The following ST6GALNAC3 variants were observed in gnomAD, a reference collection of about 807,000 sequenced individuals.
ST6GALNAC3 encodes the protein alpha-N-acetylgalactosaminide alpha-2,6-sialyltransferase 3.
ST6GALNAC3 carries 25 observed loss-of-function variants against 32.7 expected under a neutral mutation model. That is an observed-to-expected ratio of 0.76 (90% confidence interval 0.56 to 1.07). The LOEUF (loss-of-function observed/expected upper bound fraction) is 1.07. Ranked by LOEUF, ST6GALNAC3 falls within the 50% of genes least tolerant of loss-of-function variation. The probability of loss-of-function intolerance (pLI) is 0.00; values close to 1 mark genes in which losing one functional copy is unlikely to be tolerated. For synonymous variants in ST6GALNAC3, 129 were observed against 133.1 expected (o/e 0.97, Z 0.21); for missense variants, 355 against 382.4 (o/e 0.93, Z 0.60).
rs1654287431 is a variant in ST6GALNAC3, at chr1:76,412,151, C to T, written c.357C>T (p.Val119=). The T allele has an allele frequency of 4.3e-6, 7 of 1,613,668 alleles. No homozygotes were observed. Among genetic ancestry groups the T allele is most frequent in the African/African-American group, 2.7e-5 (2 of 74,968 alleles). The change falls in exon 3 of 5, where the codon GTC becomes GTT. Residue 119 remains valine (V), a synonymous_variant. Coordinates refer to ENST00000328299, the MANE Select transcript of ST6GALNAC3 (RefSeq NM_152996.4). The part of the protein sequence containing the change: ...NAPTKGYEED[V]GRMTMIRVVS... ...CCACCAAAGGTTATGAAGAAGATGT[C>T]GGCCGCATGACCATGATTCGAGTTG...
At chr1:76,613,546 C>G (rs747178946) in intron 3 of ST6GALNAC3, among the ~76,000 whole-genome samples, 2 of 152,208 alleles carry the variant, frequency 1.3e-5, no homozygotes, top group Non-Finnish European at 2.9e-5. Context: ...TGTATCCCTG[C>G]CCAAATCTCA....
At chr1:76,466,550 A>G (rs1182529881) in intron 3 of ST6GALNAC3, among the ~76,000 whole-genome samples, 1 of 152,112 alleles carries the variant, frequency 6.6e-6, no homozygotes, top group Non-Finnish European at 1.5e-5. Context: ...TGGTAGCAAT[A>G]TAATTGCTTT....
At chr1:76,475,858 G>A (rs1659316843) in intron 3 of ST6GALNAC3, among the ~76,000 whole-genome samples, 1 of 151,910 alleles carries the variant, frequency 6.6e-6, no homozygotes, top group African/African-American at 2.4e-5. Flanking sequence ...TTAGCCCCCA[G>A]CCCCCGACAG....
At chr1:76,430,881 G>T (rs527496262) in intron 3 of ST6GALNAC3, among the ~76,000 whole-genome samples, 1 of 152,286 alleles carries the variant, frequency 6.6e-6, no homozygotes, top group East Asian at 1.9e-4. Context: ...ACTTGGTTCT[G>T]CCTGGAGCTG....
At chr1:76,612,977 G>T (rs1254292355) in intron 3 of ST6GALNAC3, among the ~76,000 whole-genome samples, 1 of 152,196 alleles carries the variant, frequency 6.6e-6, no homozygotes, top group African/African-American at 2.4e-5. Flanking sequence ...GTGGGGCTTT[G>T]TTGATTATGA....
At chr1:76,162,586 T>C (rs1282954147) in intron 1 of ST6GALNAC3, among the ~76,000 whole-genome samples, 2 of 152,178 alleles carry the variant, frequency 1.3e-5, no homozygotes, top group African/African-American at 4.8e-5. Context: ...TTAAATGAGA[T>C]AAAATTTGTG....
At chr1:76,114,665 T>C (rs1648332432) in intron 1 of ST6GALNAC3, among the ~76,000 whole-genome samples, 1 of 152,028 alleles carries the variant, frequency 6.6e-6, no homozygotes, top group Admixed American at 6.5e-5. Context: ...GTTTCTCACT[T>C]TGGGAGGCCA....
chr1:76,605,816 G>A (rs1647497656), intron 3 of ST6GALNAC3, among the ~76,000 whole-genome samples: 1 of 119,538 alleles, frequency 8.4e-6, no homozygotes, highest in Admixed American at 1.1e-4. Context: ...AGTGAGCCGA[G>A]ATTGTGCCAC....
At chr1:76,246,810 AT>A (rs1184567409) in intron 1 of ST6GALNAC3, among the ~76,000 whole-genome samples, 1 of 152,150 alleles carries the variant, frequency 6.6e-6, no homozygotes, top group Non-Finnish European at 1.5e-5. Flanking sequence ...CTTCTGTCAA[AT>A]CCATCTCATT....
chr1:76,115,791 G>A (rs1043761363), intron 1 of ST6GALNAC3, among the ~76,000 whole-genome samples: 16 of 152,162 alleles, frequency 1.1e-4, no homozygotes, highest in Admixed American at 2.6e-4. Context: ...ATCAGAATAT[G>A]AGGTGTGAAA....
intron 2 of ST6GALNAC3, among the ~76,000 whole-genome samples, chr1:76,358,575 T>C (rs1027109940): frequency 4.6e-5 from 7 of 152,258 alleles, no homozygotes; most frequent in African/African-American, 1.7e-4. Flanking sequence ...CTTACCTAGA[T>C]TTCTGCAAAA....
chr1:76,124,132 AG>A (rs1389885446), intron 1 of ST6GALNAC3, among the ~76,000 whole-genome samples: 1 of 152,178 alleles, frequency 6.6e-6, no homozygotes, highest in Non-Finnish European at 1.5e-5. Context: ...AGAAAAGAAA[AG>A]GGGCACGCAG....
chr1:76,351,238 C>G (rs948548152), intron 2 of ST6GALNAC3, among the ~76,000 whole-genome samples: 2 of 152,108 alleles, frequency 1.3e-5, no homozygotes, highest in African/African-American at 4.8e-5. Flanking sequence ...AGCCTGGGAA[C>G]AAATTATGTA....
In ST6GALNAC3 at chr1:76,221,047, G is replaced by A. The variant is rs760143552; in HGVS notation, c.19-92758G>A. Among the ~76,000 whole-genome samples, 39 of 152,134 alleles carry A rather than the reference G, an allele frequency of 2.6e-4. 1 individual carries two copies. The highest frequency in any genetic ancestry group is 1.3e-4 in the Non-Finnish European group (9 of 68,032). ...TTTGGAGCAATCAATGCAGCCTGGTGCAGCCTGGAGAAGAGATCCTACTGG... is the reference window on the plus strand; with the variant it reads ...TTTGGAGCAATCAATGCAGCCTGGTACAGCCTGGAGAAGAGATCCTACTGG... On this transcript the variant is annotated intron_variant, in intron 1 of 4. Transcript: ENST00000328299.
chr1:76,342,229 A>G (rs1162782751), intron 2 of ST6GALNAC3, among the ~76,000 whole-genome samples: 1 of 152,182 alleles, frequency 6.6e-6, no homozygotes, highest in Non-Finnish European at 1.5e-5. Flanking sequence ...ATAACCAGTA[A>G]TGGGATTGCT....
intron 3 of ST6GALNAC3, among the ~76,000 whole-genome samples, chr1:76,423,824 T>C (rs1179501221): frequency 6.6e-6 from 1 of 151,900 alleles, no homozygotes; most frequent in Admixed American, 6.6e-5. Context: ...CTTTTGTTGA[T>C]TGGAGGGTAG....
At chr1:76,079,072 G>A (rs963620758) in intron 1 of ST6GALNAC3, among the ~76,000 whole-genome samples, 2 of 152,132 alleles carry the variant, frequency 1.3e-5, no homozygotes, top group South Asian at 2.1e-4. Context: ...ATGAGCCATC[G>A]TGCCTGGCCT....
At chr1:76,126,440 C>CTTCCTTCCTTCCTTTT (rs144548099) in intron 1 of ST6GALNAC3, among the ~76,000 whole-genome samples, 8 of 147,340 alleles carry the variant, frequency 5.4e-5, no homozygotes, top group South Asian at 2.2e-4. Flanking sequence ...TCCTTCCTTC[C>CTTCCTTCCTTCCTTTT]TTCCTTCCTT....
intron 1 of ST6GALNAC3, among the ~76,000 whole-genome samples, chr1:76,287,174 CTG>C (rs1228611415): frequency 5.3e-5 from 8 of 152,168 alleles, no homozygotes; most frequent in Non-Finnish European, 1.2e-4. Context: ...TGAAGAGGAA[CTG>C]TGTTCACATG....
Sources: gnomAD v4.1 joint callset for allele counts (sites outside exome capture counted in the v4.1 genomes callset) on GRCh38, gnomAD v4.1.1 for gene constraint, MANE v1.5 for transcripts, NCBI Gene and HGNC (gene_info 2026-07-23, HGNC 2026-07-21) for gene names.